DENND4C: variants seen among roughly 807,000 people sequenced by gnomAD.
DENND4C encodes the protein DENN domain containing 4C.
A neutral mutation model predicts 203.0 loss-of-function variants in DENND4C; 108 were observed. That is an observed-to-expected ratio of 0.53 (90% CI 0.46 to 0.62). The LOEUF is 0.62. Ranked by LOEUF, DENND4C falls within the 20% of genes least tolerant of loss-of-function variation. The probability of loss-of-function intolerance (pLI) is 0.00; values close to 1 mark genes in which losing one functional copy is unlikely to be tolerated. For synonymous variants in DENND4C, 871 were observed against 792.4 expected, an observed-to-expected ratio of 1.10 and a Z score of -1.67; for missense variants, 2,481 against 2,301.2, an observed-to-expected ratio of 1.08 and a Z score of -1.60.
At chr9:19,268,668 C>T (rs1009584047) in intron 1 of DENND4C, among the ~76,000 whole-genome samples, 1 of 151,998 alleles carries the variant, frequency 6.6e-6, no homozygotes, top group Non-Finnish European at 1.5e-5. Flanking sequence ...GTCTTTATTT[C>T]TCCTTCATGT....
chr9:19,320,647 C>A (rs1220064206), intron 12 of DENND4C, among the ~76,000 whole-genome samples: 1 of 152,186 alleles, frequency 6.6e-6, no homozygotes, highest in African/African-American at 2.4e-5. Context: ...AGGTTTAATT[C>A]TCTTGGCAAG....
At chr9:19,352,749 GC>G in intron 26 of DENND4C, 84 bp downstream of exon 26, 1 of 1,102,302 alleles carries the variant, frequency 9.1e-7, no homozygotes, top group Non-Finnish European at 1.2e-6. Flanking sequence ...TTCCTGGTAT[GC>G]TCCAGGTCTG....
intron 1 of DENND4C, among the ~76,000 whole-genome samples, chr9:19,258,940 C>A (rs978458961): frequency 1.3e-5 from 2 of 152,116 alleles, no homozygotes; most frequent in Non-Finnish European, 2.9e-5. Context: ...CAGGTGTGAG[C>A]CACCCTGCCT....
At chr9:19,350,919 T>C in intron 24 of DENND4C, 40 bp downstream of exon 24, 1 of 1,543,720 alleles carries the variant, frequency 6.5e-7, no homozygotes, top group Non-Finnish European at 8.7e-7. Context: ...TGCTTTATAA[T>C]AGTTTTTGCT....
chr9:19,361,578 T>G (rs1209634093), intron 29 of DENND4C, among the ~76,000 whole-genome samples: 1 of 152,232 alleles, frequency 6.6e-6, no homozygotes, highest in African/African-American at 2.4e-5. Context: ...ACCTTAAAAT[T>G]TGCTGTAATG....
intron 1 of DENND4C, among the ~76,000 whole-genome samples, chr9:19,265,498 C>G (rs564553485): frequency 6.6e-6 from 1 of 151,782 alleles, no homozygotes; most frequent in Non-Finnish European, 1.5e-5. Context: ...TACATGTGCA[C>G]AACATGCAGG....
chr9:19,336,039 T>C (rs1820389662), intron 18 of DENND4C, among the ~76,000 whole-genome samples: 1 of 152,142 alleles, frequency 6.6e-6, no homozygotes, highest in Non-Finnish European at 1.5e-5. Context: ...CTTTTGTTTT[T>C]TTTGACAATA....
At chr9:19,243,058 G>T (rs561789321) in intron 1 of DENND4C, among the ~76,000 whole-genome samples, 3 of 152,214 alleles carry the variant, frequency 2.0e-5, no homozygotes, top group Admixed American at 2.0e-4. Flanking sequence ...TAGATTTACA[G>T]TTTTGCAATC....
intron 10 of DENND4C, among the ~76,000 whole-genome samples, chr9:19,306,693 C>T (rs560975031): frequency 8.6e-5 from 13 of 151,662 alleles, no homozygotes; most frequent in African/African-American, 2.4e-4. Flanking sequence ...TATAAAACTT[C>T]TGGTAATCAA....
intron 9 of DENND4C, among the ~76,000 whole-genome samples, chr9:19,304,586 G>C (rs1839274557): frequency 6.6e-6 from 1 of 151,218 alleles, no homozygotes; most frequent in Non-Finnish European, 1.5e-5. Context: ...ACCCAGGCTG[G>C]AGTGCAGTGG....
chr9:19,233,325 T>A (rs890049300), intron 1 of DENND4C, among the ~76,000 whole-genome samples: 2 of 152,310 alleles, frequency 1.3e-5, no homozygotes, highest in Middle Eastern at 3.4e-3. Context: ...GGATGCCTTG[T>A]TGGAATGGGA....
At chr9:19,269,404 C>G (rs1284511699) in intron 1 of DENND4C, among the ~76,000 whole-genome samples, 1 of 152,168 alleles carries the variant, frequency 6.6e-6, no homozygotes, top group East Asian at 1.9e-4. Flanking sequence ...GGTGATCTGC[C>G]CGTCTCGGCC....
intron 10 of DENND4C, among the ~76,000 whole-genome samples, chr9:19,306,358 T>G (rs1198876333): frequency 1.3e-5 from 2 of 152,230 alleles, no homozygotes; most frequent in Non-Finnish European, 2.9e-5. Context: ...AGAAAACATT[T>G]GCTATAACTT....
intron 21 of DENND4C, among the ~76,000 whole-genome samples, chr9:19,341,638 C>T (rs1821680795): frequency 6.6e-6 from 1 of 152,086 alleles, no homozygotes. Context: ...CTCTGTAGGT[C>T]AGCCCATAAT....
At chr9:19,234,123 T>C (rs989943743) in intron 1 of DENND4C, among the ~76,000 whole-genome samples, 1 of 152,196 alleles carries the variant, frequency 6.6e-6, no homozygotes, top group African/African-American at 2.4e-5. Context: ...ATTACTGTTA[T>C]TTTATGGCTT....
intron 27 of DENND4C, 136 bp downstream of exon 27, chr9:19,357,290 T>C (rs1825640625): frequency 5.6e-6 from 4 of 720,084 alleles, no homozygotes. Flanking sequence ...TATTACCACA[T>C]AGTGTTTAAC....
rs185597388 is a variant in DENND4C at position 19,253,973 on chromosome 9, T to A, written c.-17-22185T>A. Among the ~76,000 whole-genome samples, 22 of 152,318 alleles carry A rather than the reference T, an allele frequency of 1.4e-4. No individual in the cohort carries two copies. The East Asian group carries it at 3.3e-3, about 23-fold the overall frequency. On this transcript the variant is annotated intron_variant, in intron 1 of 32. Transcript: ENST00000434457. ...CTACGCAACATAGTGAGATACCATG[T>A]CTACAAAAAATACAAAAATTATAGT...
At chr9:19,275,302 T>C (rs1425087843) in intron 1 of DENND4C, among the ~76,000 whole-genome samples, 1 of 146,918 alleles carries the variant, frequency 6.8e-6, no homozygotes, top group African/African-American at 2.5e-5. Context: ...CTTTCTCTTT[T>C]TTTTTTTTGA....
At chr9:19,309,660 A>G (rs962964589) in intron 10 of DENND4C, among the ~76,000 whole-genome samples, 10 of 151,740 alleles carry the variant, frequency 6.6e-5, no homozygotes, top group African/African-American at 1.5e-4. Context: ...TTGTTTTTCC[A>G]TGTAAATTTT....
Sources: allele counts gnomAD v4.1 joint callset (sites outside exome capture counted in the v4.1 genomes callset), GRCh38; gene constraint gnomAD v4.1.1; transcripts MANE v1.5; gene names NCBI Gene and HGNC (gene_info 2026-07-23, HGNC 2026-07-21).